The following FANK1 variants were observed in gnomAD, a reference collection of about 807,000 sequenced individuals.
FANK1 encodes the protein fibronectin type 3 and ankyrin repeat domains protein 1.
FANK1 carries 44 observed loss-of-function variants against 45.3 expected under a neutral mutation model. That is an observed-to-expected ratio of 0.97 (90% CI 0.76 to 1.25). The LOEUF (loss-of-function observed/expected upper bound fraction) is 1.25, where lower values mean the gene tolerates loss of function less well. FANK1 is among the 50% of genes most tolerant of loss of function. The pLI is 0.00. For synonymous variants in FANK1, 149 were observed against 152.5 expected (o/e 0.98, Z 0.17); for missense variants, 391 against 424.4 (o/e 0.92, Z 0.69).
chr10:125,960,580 G>A (rs11244727), intron 1 of FANK1, among the ~76,000 whole-genome samples: 55,865 of 152,240 alleles, frequency 0.37, 10,754 homozygotes, highest in Non-Finnish European at 0.44. Flanking sequence ...AGGCTGGAGT[G>A]CAGTGGTGCG....
At chr10:125,934,975 G>A (rs61870923) in intron 1 of FANK1, among the ~76,000 whole-genome samples, 4,483 of 152,040 alleles carry the variant, frequency 0.029, 112 homozygotes, top group Non-Finnish European at 0.042. Flanking sequence ...TTCTTCCCCA[G>A]GTCTGCTCAG....
Position 125,945,983 on chromosome 10 carries a change from C to T in FANK1, c.14-34178C>T, listed in dbSNP as rs533866613. Among the ~76,000 whole-genome samples the T allele has an allele frequency of 6.0e-4, 92 of 152,324 alleles. 1 individual carries two copies. Among genetic ancestry groups the T allele is most frequent in the African/African-American group, 2.1e-3 (88 of 41,568 alleles). On this transcript the variant is annotated intron_variant, in intron 1 of 10. Transcript: ENST00000368693. ...CCGAGCAGCCTAACTGGGAGGCACC[C>T]CGCAGCAGGGGCACACTGACACCTC...
intron 1 of FANK1, among the ~76,000 whole-genome samples, chr10:125,910,622 C>T (rs1945914155): frequency 2.0e-5 from 3 of 152,266 alleles, no homozygotes; most frequent in South Asian, 4.1e-4. Flanking sequence ...AATACATTTT[C>T]TCGTATTTTA....
chr10:125,958,953 C>T (rs1307079401), intron 1 of FANK1, among the ~76,000 whole-genome samples: 1 of 152,090 alleles, frequency 6.6e-6, no homozygotes, highest in Non-Finnish European at 1.5e-5. Context: ...ACAAAGTTGT[C>T]TTCTGAAAGC....
At chr10:125,954,095 C>T (rs753763196) in intron 1 of FANK1, among the ~76,000 whole-genome samples, 10 of 152,148 alleles carry the variant, frequency 6.6e-5, no homozygotes, top group Admixed American at 1.3e-4. Context: ...GGAGTTGGAC[C>T]GTACAATCTA....
intron 1 of FANK1, among the ~76,000 whole-genome samples, chr10:125,931,358 C>T (rs1346370072): frequency 1.3e-5 from 2 of 152,202 alleles, no homozygotes; most frequent in Non-Finnish European, 2.9e-5. Flanking sequence ...TTCCTGTTCA[C>T]TGCACCCACA....
chr10:125,904,214 A>G (rs1589772121), intron 1 of FANK1, among the ~76,000 whole-genome samples: 1 of 152,240 alleles, frequency 6.6e-6, no homozygotes, highest in African/African-American at 2.4e-5. Context: ...TTAAAAAAAG[A>G]TTCCACAATT....
chr10:125,921,195 A>G (rs1946920815), intron 1 of FANK1, among the ~76,000 whole-genome samples: 1 of 152,202 alleles, frequency 6.6e-6, no homozygotes, highest in Non-Finnish European at 1.5e-5. Context: ...GATCACTCCA[A>G]AAATTACCTT....
intron 1 of FANK1, among the ~76,000 whole-genome samples, chr10:125,974,288 G>A (rs1431843822): frequency 1.3e-5 from 2 of 152,204 alleles, no homozygotes; most frequent in East Asian, 3.9e-4. Context: ...GACCAGGGCA[G>A]CCCTGTCTTC....
At chr10:125,946,705 C>A (rs1948827611) in intron 1 of FANK1, among the ~76,000 whole-genome samples, 1 of 146,792 alleles carries the variant, frequency 6.8e-6, no homozygotes, top group Non-Finnish European at 1.5e-5. Flanking sequence ...TCCAGGAGAA[C>A]TTCCCAAATC....
chr10:125,947,587 A>G (rs1948901429), intron 1 of FANK1, among the ~76,000 whole-genome samples: 2 of 152,014 alleles, frequency 1.3e-5, no homozygotes, highest in East Asian at 1.9e-4. Flanking sequence ...ATATGCACCC[A>G]ATACAAGAGC....
rs746141002 is a variant in FANK1 at position 125,995,482 on chromosome 10, C to T, written c.382C>T (p.Arg128Ter). 3.1e-6 allele frequency: 5 copies of T among 1,613,942 alleles called. No individual in the cohort carries two copies. The highest frequency in any genetic ancestry group is 3.3e-5 in the Admixed American group (2 of 59,982). ...TGTGAATGATGAAGATTTGCTGGTC[C>T]GAATACTTCAAGGAGGGTGAGAGAA... ...VSVNDEDLLV[R>*]ILQGGRVKVD... The change falls in exon 4 of 11, where the codon CGA becomes TGA. Residue 128 changes from arginine to a stop codon, truncating the protein, a stop_gained. Coordinates refer to ENST00000368693, the MANE Select transcript of FANK1 (RefSeq NM_145235.5). LOFTEE classifies it high-confidence loss of function.
intron 1 of FANK1, among the ~76,000 whole-genome samples, chr10:125,931,203 A>G (rs1947731827): frequency 6.6e-6 from 1 of 152,198 alleles, no homozygotes. Context: ...TTTTTGAATA[A>G]TGACTTCTTT....
chr10:125,916,996 C>T (rs1946498062), intron 1 of FANK1, among the ~76,000 whole-genome samples: 1 of 152,220 alleles, frequency 6.6e-6, no homozygotes, highest in South Asian at 2.1e-4. Flanking sequence ...ACGCTTAGCT[C>T]CTACCCCTTT....
At chr10:126,004,114 A>C (rs1407223596) in intron 6 of FANK1, 1 of 150,884 alleles carries the variant, frequency 6.6e-6, no homozygotes, top group Non-Finnish European at 1.5e-5. Flanking sequence ...TCTTCTGTGA[A>C]AAACAGCTTC....
chr10:125,945,699 T>G, intron 1 of FANK1, among the ~76,000 whole-genome samples: 1 of 152,208 alleles, frequency 6.6e-6, no homozygotes, highest in Non-Finnish European at 1.5e-5. Flanking sequence ...TGCCCAGGCT[T>G]GCTTAGGTAA....
intron 1 of FANK1, among the ~76,000 whole-genome samples, chr10:125,918,610 T>TTA (rs1946684330): frequency 9.6e-6 from 1 of 104,280 alleles, no homozygotes; most frequent in African/African-American, 4.2e-5. Flanking sequence ...ATATATATAG[T>TTA]TATATATACT....
chr10:125,960,598 C>T (rs1035556905), intron 1 of FANK1, among the ~76,000 whole-genome samples: 3 of 152,252 alleles, frequency 2.0e-5, no homozygotes, highest in Non-Finnish European at 2.9e-5. Context: ...GCGATCTTGG[C>T]TCACTGCAAG....
At chr10:125,918,556 C>CAAAA (rs1156446362) in intron 1 of FANK1, among the ~76,000 whole-genome samples, 422 of 7,100 alleles carry the variant, frequency 0.059, 149 homozygotes, top group East Asian at 0.12. Context: ...GCCTCTGTCT[C>CAAAA]AAAAAAAAAA....
Sources: allele counts gnomAD v4.1 joint callset (sites outside exome capture counted in the v4.1 genomes callset), GRCh38; gene constraint gnomAD v4.1.1; transcripts MANE v1.5; gene names NCBI Gene and HGNC (gene_info 2026-07-23, HGNC 2026-07-21).